The following NWD1 variants were observed in gnomAD, a reference collection of about 807,000 sequenced individuals.
NWD1 encodes NACHT and WD repeat domain containing 1.
A neutral mutation model predicts 135.1 loss-of-function variants in NWD1; 129 were observed. The observed-to-expected ratio is 0.96, with a 90% CI of 0.83 to 1.11. The LOEUF (loss-of-function observed/expected upper bound fraction) is 1.11. Among genes scored for constraint, NWD1 ranks in the 50% least tolerant of loss-of-function variants. The pLI is 0.00. For missense variants in NWD1, 1,740 were observed against 1,851.3 expected, an observed-to-expected ratio of 0.94 and a Z score of 1.10; for synonymous variants, 773 against 786.0, an observed-to-expected ratio of 0.98 and a Z score of 0.28.
At chr19:16,759,048 T>C (rs1190028035) in intron 6 of NWD1, among the ~76,000 whole-genome samples, 177 bp from the exon 7 acceptor site, 2 of 149,536 alleles carry the variant, frequency 1.3e-5, no homozygotes, top group Admixed American at 6.7e-5. Flanking sequence ...AAGGTCTTCC[T>C]TGGTGGGTAT....
chr19:16,784,974 CAGG>C, intron 12 of NWD1, among the ~76,000 whole-genome samples: 1 of 151,610 alleles, frequency 6.6e-6, no homozygotes, highest in African/African-American at 2.4e-5. Flanking sequence ...CAGCAGTCAC[CAGG>C]GGCCACATGG....
intron 8 of NWD1, among the ~76,000 whole-genome samples, chr19:16,762,969 A>G (rs539129356): frequency 6.6e-6 from 1 of 152,110 alleles, no homozygotes; most frequent in South Asian, 2.1e-4. Flanking sequence ...TTTTTAGTAG[A>G]GACGGGGTTT....
At chr19:16,778,984 C>T (rs1301634086) in intron 11 of NWD1, among the ~76,000 whole-genome samples, 2 of 152,152 alleles carry the variant, frequency 1.3e-5, no homozygotes, top group African/African-American at 2.4e-5. Flanking sequence ...CCTGCACCCA[C>T]CAGATGGCAG....
At chr19:16,769,880 C>T (rs1446906299) in intron 10 of NWD1, among the ~76,000 whole-genome samples, 2 of 152,106 alleles carry the variant, frequency 1.3e-5, no homozygotes, top group African/African-American at 2.4e-5. Context: ...CCCTGTTGTC[C>T]AGGCTGGAGT....
intron 12 of NWD1, among the ~76,000 whole-genome samples, chr19:16,780,684 G>T (rs772070773): frequency 6.6e-6 from 1 of 151,092 alleles, no homozygotes; most frequent in Non-Finnish European, 1.5e-5. Context: ...TTCTGACAGG[G>T]TGTTGCTCTG....
chr19:16,785,753 T>A (rs1020435930), intron 12 of NWD1, among the ~76,000 whole-genome samples: 5 of 147,650 alleles, frequency 3.4e-5, no homozygotes, highest in African/African-American at 7.5e-5. Flanking sequence ...TGAAAGTATA[T>A]ATACATATAT....
intron 13 of NWD1, among the ~76,000 whole-genome samples, chr19:16,789,555 C>T (rs976017753): frequency 2.6e-5 from 4 of 151,990 alleles, no homozygotes; most frequent in African/African-American, 9.7e-5. Flanking sequence ...TTCTTTGATC[C>T]ATGGGCTATT....
intron 12 of NWD1, among the ~76,000 whole-genome samples, chr19:16,787,816 T>C (rs912027232): frequency 2.7e-5 from 4 of 150,666 alleles, no homozygotes; most frequent in African/African-American, 7.3e-5. Context: ...GCCAAGATTA[T>C]GCCACTGAAC....
chr19:16,773,067 G>A, intron 10 of NWD1, 59 bp from the exon 11 acceptor site: 1 of 1,435,946 alleles, frequency 7.0e-7, no homozygotes, highest in South Asian at 1.1e-5. Flanking sequence ...AGACTCAATT[G>A]GCAGGGAGGG....
intron 1 of NWD1, among the ~76,000 whole-genome samples, chr19:16,723,676 CTGTTTTGTTTTGTTTTGTTT>C (rs60100795): frequency 1.0e-4 from 15 of 149,674 alleles, no homozygotes; most frequent in African/African-American, 2.5e-4. Context: ...ACAGCTTTTT[CTGTTTTGTTTTGTTTTGTTT>C]TGTTTTGTTT....
intron 13 of NWD1, among the ~76,000 whole-genome samples, chr19:16,789,867 G>A (rs995028308): frequency 4.6e-5 from 7 of 152,062 alleles, no homozygotes; most frequent in East Asian, 3.9e-4. Context: ...ACAGGCGCAC[G>A]CCACCACGCC....
chr19:16,812,046 C>T (rs1206635023), intron 18 of NWD1, among the ~76,000 whole-genome samples: 1 of 152,190 alleles, frequency 6.6e-6, no homozygotes, highest in East Asian at 1.9e-4. Context: ...CATAGTGGCT[C>T]ATGCCTGTAA....
chr19:16,792,356 A>G (rs992841836), intron 14 of NWD1, among the ~76,000 whole-genome samples: 29 of 151,980 alleles, frequency 1.9e-4, no homozygotes, highest in Non-Finnish European at 4.0e-4. Flanking sequence ...AGCCTGGCCA[A>G]CATGGCAAAA....
In NWD1 at chr19:16,736,193, T is replaced by C. The variant is rs200849201; in HGVS notation, c.82-441T>C. Among the ~76,000 whole-genome samples, 126 of 32,138 alleles carry C rather than the reference T, an allele frequency of 3.9e-3. 1 individual carries two copies. The highest frequency in any genetic ancestry group is 0.016 in the East Asian group (37 of 2,360). The allele number at this position is 32,138 out of a possible 152,430, so 21.1% of individuals were successfully genotyped here. A position where few individuals can be genotyped will look rare whatever the true frequency, so the allele number is the denominator to read the frequency against. ...GTCTTTTTCTTTCCTTCTTTCCTTC[T>C]TTCCTTCCTTCCTTCTTTCCTTCCT... On this transcript the variant is annotated intron_variant, in intron 3 of 18. Transcript: ENST00000524140.
chr19:16,762,283 T>C, intron 8 of NWD1, 145 bp downstream of exon 8: 1 of 549,304 alleles, frequency 1.8e-6, no homozygotes, highest in Non-Finnish European at 3.2e-6. Flanking sequence ...TCCCTTCTAC[T>C]GTCCCCCCCA....
chr19:16,813,783 A>G (rs1970994326), intron 18 of NWD1, among the ~76,000 whole-genome samples: 1 of 151,936 alleles, frequency 6.6e-6, no homozygotes, highest in Non-Finnish European at 1.5e-5. Context: ...GGCCAGAAGC[A>G]GCCTGTTTTA....
Position 16,744,565 on chromosome 19 carries a change from T to C in NWD1, c.343T>C (p.Phe115Leu), listed in dbSNP as rs951143232. The change falls in exon 5 of 19, where the codon TTT becomes CTT. Residue 115 changes from phenylalanine (F) to leucine (L), a missense_variant. Transcript: ENST00000524140. ...ARYFQRDENA[F>L]PPTYVLQAPG... is the part of the protein sequence containing the mutation. ...ATACTTCCAGAGGGACGAGAATGCG[T>C]TTCCTCCCACCTACGTCCTGCAGGC... The C allele has an allele frequency of 1.3e-6, 2 of 1,535,484 alleles. No individual in the cohort carries two copies. Among genetic ancestry groups the C allele is most frequent in the African/African-American group, 2.7e-5 (2 of 73,108 alleles).
chr19:16,800,034 A>G lies in NWD1; in HGVS notation c.3608A>G (p.His1203Arg). Reference protein sequence around the residue: ...SFKVWDLSDAHRSRVPAPFLD... With the variant: ...SFKVWDLSDARRSRVPAPFLD... ...AAGGTCTGGGATCTCAGCGATGCTC[A>G]TAGGTCCCGGGTGCCTGCACCATTT... The change falls in exon 17 of 19, where the codon CAT becomes CGT. Residue 1203 changes from histidine to arginine, a missense_variant. His to Arg is a conservative substitution (Grantham distance 29). Transcript: ENST00000524140. 1.2e-6 allele frequency: 2 copies of G among 1,614,214 alleles called. No individual in the cohort carries two copies. Among genetic ancestry groups the G allele is most frequent in the Non-Finnish European group, 1.7e-6 (2 of 1,180,030 alleles).
intron 18 of NWD1, chr19:16,812,999 G>A: frequency 1.6e-6 from 1 of 644,318 alleles, no homozygotes; most frequent in Non-Finnish European, 2.8e-6. Context: ...CAAAGGCAAA[G>A]GGCCCACAAT....
Sources: gnomAD v4.1 joint callset for allele counts (sites outside exome capture counted in the v4.1 genomes callset) on GRCh38, gnomAD v4.1.1 for gene constraint, MANE v1.5 for transcripts, NCBI Gene and HGNC (gene_info 2026-07-23, HGNC 2026-07-21) for gene names.